Variants in C2CD3 observed in about 807,000 individuals in gnomAD.
C2CD3 encodes the protein C2 domain containing 3 centriole elongation regulator.
C2CD3 carries 148 observed loss-of-function variants against 234.0 expected under a neutral mutation model. That is an observed-to-expected ratio of 0.63 (90% confidence interval 0.55 to 0.72). The LOEUF (loss-of-function observed/expected upper bound fraction) is 0.72. Among genes scored for constraint, C2CD3 ranks in the 30% least tolerant of loss-of-function variants. C2CD3 has a pLI of 0.00. For missense variants in C2CD3, 2,577 were observed against 2,811.5 expected (o/e 0.92, Z 1.89); for synonymous variants, 1,000 against 1,035.4 (o/e 0.97, Z 0.66).
intron 32 of C2CD3, chr11:74,016,713 T>G (rs979067996): frequency 1.3e-5 from 2 of 152,242 alleles, no homozygotes; most frequent in African/African-American, 4.8e-5. Context: ...CCTGGTGGGG[T>G]TGGCCAGAGG....
At chr11:74,087,595 T>C (rs1565277711) in intron 20 of C2CD3, among the ~76,000 whole-genome samples, 1 of 151,140 alleles carries the variant, frequency 6.6e-6, no homozygotes, top group Non-Finnish European at 1.5e-5. Context: ...AAAATACTCA[T>C]AGGGTGTTGT....
chr11:74,100,788 T>TGTTAACAA, intron 14 of C2CD3, 112 bp from the exon 15 acceptor site: 2 of 867,806 alleles, frequency 2.3e-6, no homozygotes, highest in Non-Finnish European at 3.5e-6. Flanking sequence ...ACACACAGTG[T>TGTTAACAA]TATGAGCTAA....
Position 74,075,482 on chromosome 11 carries a change from C to G in C2CD3, c.4604-882G>C, listed in dbSNP as rs1463445542. Reference sequence around the variant, plus strand: ...AATCTCAGAGGAGTTAAATAAACTGCCAACATCACTCTGGCAGTAAGTGGC... The same window carrying G: ...AATCTCAGAGGAGTTAAATAAACTGGCAACATCACTCTGGCAGTAAGTGGC... On this transcript the variant is annotated intron_variant, in intron 23 of 32. Transcript: ENST00000334126. Among the ~76,000 whole-genome samples the G allele has an allele frequency of 5.9e-5, 9 of 152,146 alleles. No homozygotes were observed. In the East Asian group the frequency reaches 1.7e-3, roughly 29 times the overall value.
intron 8 of C2CD3, 23 bp downstream of exon 8, chr11:74,122,965 A>T (rs1409062299): frequency 6.3e-7 from 1 of 1,598,582 alleles, no homozygotes; most frequent in East Asian, 2.2e-5. Context: ...CTAATTCTCA[A>T]TGCTTCAGGT....
At chr11:74,097,038 AC>A (rs1280370544) in intron 16 of C2CD3, among the ~76,000 whole-genome samples, 1 of 151,658 alleles carries the variant, frequency 6.6e-6, no homozygotes, top group East Asian at 1.9e-4. Flanking sequence ...AATCCCAGCT[AC>A]CCGGGAGGCC....
chr11:74,158,129 G>A (rs1856161663), intron 3 of C2CD3, among the ~76,000 whole-genome samples: 1 of 152,172 alleles, frequency 6.6e-6, no homozygotes, highest in African/African-American at 2.4e-5. Context: ...TCCAGGCAAG[G>A]ATTTTTTGGG....
chr11:74,148,397 TCTTATATATGTATATATACACACATATAC>T (rs1413954574), intron 3 of C2CD3, among the ~76,000 whole-genome samples: 2 of 151,650 alleles, frequency 1.3e-5, no homozygotes, highest in Non-Finnish European at 2.9e-5. Flanking sequence ...TACATAAATA[TCTTATATATGTATATATACACACATATAC>T]CTTATATGTG....
chr11:74,093,769 T>C (rs1405547472), intron 18 of C2CD3, 47 bp downstream of exon 18: 4 of 1,499,662 alleles, frequency 2.7e-6, no homozygotes, highest in East Asian at 4.6e-5. Context: ...TGCTTTATGA[T>C]TGTGCACTTC....
chr11:74,080,226 T>A lies in C2CD3; in HGVS notation c.4001-1509A>T, dbSNP rs115821125. The stretch of plus-strand genomic sequence containing the variant: ...ATTTTACAAATGAGATTTAGGCTTA[T>A]TGAGATTAATTTGCTGAAGATTACT... On this transcript the variant is annotated intron_variant, in intron 22 of 32. Coordinates refer to ENST00000334126, the MANE Select transcript of C2CD3 (RefSeq NM_001286577.2). 2.2e-3 allele frequency among the ~76,000 whole-genome samples: 334 copies of A among 152,346 alleles called. 3 individuals carry two copies. Among genetic ancestry groups the A allele is most frequent in the African/African-American group, 7.7e-3 (320 of 41,578 alleles).
intron 25 of C2CD3, 92 bp from the exon 26 acceptor site, chr11:74,054,763 GC>G (rs1345544795): frequency 1.2e-6 from 1 of 832,624 alleles, no homozygotes; most frequent in African/African-American, 1.7e-5. Flanking sequence ...AATTTGCAAA[GC>G]ACTTTCCCAA....
intron 27 of C2CD3, among the ~76,000 whole-genome samples, chr11:74,049,041 A>C (rs890192004): frequency 1.3e-5 from 2 of 152,222 alleles, no homozygotes; most frequent in South Asian, 4.1e-4. Context: ...ATAGAGTTTC[A>C]GATTCTATAT....
At chr11:74,145,422 G>C (rs1343959160) in intron 3 of C2CD3, among the ~76,000 whole-genome samples, 1 of 152,010 alleles carries the variant, frequency 6.6e-6, no homozygotes, top group South Asian at 2.1e-4. Context: ...TTTTTTGCTT[G>C]TACATTTCTT....
chr11:74,014,399 A>G (rs536567631), intron 32 of C2CD3, among the ~76,000 whole-genome samples: 145 of 152,316 alleles, frequency 9.5e-4, no homozygotes, highest in African/African-American at 3.3e-3. Flanking sequence ...TGAGGCTGTC[A>G]TAAGCTGAAG....
In C2CD3 at chr11:74,054,636, G is replaced by T. The variant is rs544740134; in HGVS notation, c.5126C>A (p.Thr1709Asn). The change falls in exon 26 of 33, where the codon ACC becomes AAC. Residue 1709 changes from threonine to asparagine, a missense_variant. Coordinates refer to ENST00000334126, the MANE Select transcript of C2CD3 (RefSeq NM_001286577.2). ...SKELLLDPQQTLVFKVWHKGD... is the reference protein window; with the variant it reads ...SKELLLDPQQNLVFKVWHKGD... ...TTTATGCCAAACTTTGAAGACCAGG[G>T]TTTGTTGTGGGTCCAGAAGCAGCTC... 5.6e-6 allele frequency: 9 copies of T among 1,612,358 alleles called. No individual in the cohort carries two copies. In the South Asian group the frequency reaches 6.6e-5, roughly 12 times the overall value.
intron 32 of C2CD3, among the ~76,000 whole-genome samples, chr11:74,017,219 T>C (rs959324632): frequency 6.6e-6 from 1 of 152,188 alleles, no homozygotes; most frequent in Non-Finnish European, 1.5e-5. Context: ...TTCAGCGAGC[T>C]GATCTGTAAG....
chr11:74,122,291 A>C (rs1226110089), intron 8 of C2CD3, among the ~76,000 whole-genome samples: 1 of 152,080 alleles, frequency 6.6e-6, no homozygotes, highest in Non-Finnish European at 1.5e-5. Flanking sequence ...TTTCCCCACA[A>C]TCTCATGTAA....
In C2CD3 at chr11:74,085,612, G is replaced by A; in HGVS notation, c.3910+6C>T. ...TTTTGATTGTGACAAGTCATATGGT[G>A]CTCACCTGACTTGGTATTTTCATGA... On this transcript the variant is annotated splice_donor_region_variant and intron_variant, in intron 21 of 32. Coordinates refer to ENST00000334126, the MANE Select transcript of C2CD3 (RefSeq NM_001286577.2). 1.2e-6 allele frequency: 2 copies of A among 1,613,816 alleles called. No homozygotes were observed. Among genetic ancestry groups the A allele is most frequent in the Non-Finnish European group, 1.7e-6 (2 of 1,179,784 alleles).
At chr11:74,140,824 G>A (rs1323247149) in intron 3 of C2CD3, among the ~76,000 whole-genome samples, 1 of 152,204 alleles carries the variant, frequency 6.6e-6, no homozygotes. Context: ...GAAGAGGGGT[G>A]AGGAGGGAGG....
Position 74,114,532 on chromosome 11 carries a change from T to A in C2CD3, c.1582A>T (p.Ser528Cys). 3.1e-6 allele frequency: 5 copies of A among 1,613,994 alleles called. No homozygotes were observed. Among genetic ancestry groups the A allele is most frequent in the Non-Finnish European group, 4.2e-6 (5 of 1,179,914 alleles). The change falls in exon 10 of 33, where the codon AGT (serine) becomes TGT (cysteine). Residue 528 changes from serine to cysteine, a missense_variant. Ser to Cys is a moderately radical substitution (Grantham distance 112). Coordinates refer to ENST00000334126, the MANE Select transcript of C2CD3 (RefSeq NM_001286577.2). Reference sequence around the variant, plus strand: ...CCCAAAAGGGCCAGTCTATCCACACTTAGTGTCATCGTTTGGGCATCTTCT... The same window carrying A: ...CCCAAAAGGGCCAGTCTATCCACACATAGTGTCATCGTTTGGGCATCTTCT... ...TPEDAQTMTL[S>C]VDRLALLGRT...
Sources: gnomAD v4.1 joint callset for allele counts (sites outside exome capture counted in the v4.1 genomes callset) on GRCh38, gnomAD v4.1.1 for gene constraint, MANE v1.5 for transcripts, NCBI Gene and HGNC (gene_info 2026-07-23, HGNC 2026-07-21) for gene names.